The following CAMKMT variants were observed in gnomAD, a reference collection of about 807,000 sequenced individuals.
CAMKMT encodes the protein CaM KMT.
Under a neutral mutation model 48.0 loss-of-function variants are expected in CAMKMT, and 53 were observed. That is an observed-to-expected ratio of 1.10 (90% CI 0.89 to 1.39). The LOEUF (loss-of-function observed/expected upper bound fraction) is 1.39. Among genes scored for constraint, CAMKMT ranks in the 40% most tolerant of loss-of-function variants. The pLI, the probability that CAMKMT is intolerant of heterozygous loss-of-function variation, is 0.00. For missense variants in CAMKMT, 428 were observed against 402.7 expected (o/e 1.06, Z -0.54); for synonymous variants, 165 against 152.3 (o/e 1.08, Z -0.61).
At chr2:44,429,322 G>A (rs955774488) in intron 3 of CAMKMT, among the ~76,000 whole-genome samples, 3 of 150,776 alleles carry the variant, frequency 2.0e-5, no homozygotes, top group Middle Eastern at 3.4e-3. Context: ...TCTTATGGAT[G>A]GTGAATTATA....
At chr2:44,678,588 A>T (rs972497838) in intron 3 of CAMKMT, among the ~76,000 whole-genome samples, 1 of 152,046 alleles carries the variant, frequency 6.6e-6, no homozygotes, top group Non-Finnish European at 1.5e-5. Flanking sequence ...TGATATTCAT[A>T]TTTTTTTTCC....
At chr2:44,568,116 T>A (rs927933169) in intron 3 of CAMKMT, among the ~76,000 whole-genome samples, 5 of 152,006 alleles carry the variant, frequency 3.3e-5, no homozygotes, top group Non-Finnish European at 5.9e-5. Flanking sequence ...TGAGCATAAA[T>A]CTGAAGGATG....
Position 44,461,325 on chromosome 2 carries a change from A to G in CAMKMT, c.376+71020A>G, listed in dbSNP as rs565357067. 2.0e-5 allele frequency among the ~76,000 whole-genome samples: 3 copies of G among 152,306 alleles called. No individual in the cohort carries two copies. In the South Asian group the frequency reaches 6.2e-4, roughly 32 times the overall value. On this transcript the variant is annotated intron_variant, in intron 3 of 10. Transcript: ENST00000378494. ...TGGCTCTCTTCTAAGCAGTTTACTC[A>G]TTAAATATCTCATTAAAAAAAACCT...
At chr2:44,525,292 A>G (rs563440311) in intron 3 of CAMKMT, among the ~76,000 whole-genome samples, 12 of 151,984 alleles carry the variant, frequency 7.9e-5, no homozygotes, top group East Asian at 7.7e-4. Flanking sequence ...GTCTTGCTCT[A>G]TTGCCCAGGC....
intron 8 of CAMKMT, among the ~76,000 whole-genome samples, chr2:44,750,513 G>A (rs1373191137): frequency 6.6e-6 from 1 of 152,174 alleles, no homozygotes; most frequent in Non-Finnish European, 1.5e-5. Context: ...GTAGAAGACA[G>A]TCCTTTTATT....
intron 3 of CAMKMT, among the ~76,000 whole-genome samples, chr2:44,666,208 G>C (rs1483530477): frequency 9.2e-5 from 14 of 152,162 alleles, no homozygotes; most frequent in Admixed American, 8.5e-4. Context: ...AAAATTGTTC[G>C]ACCTGAATAG....
At chr2:44,505,993 A>G (rs1345176999) in intron 3 of CAMKMT, among the ~76,000 whole-genome samples, 1 of 151,880 alleles carries the variant, frequency 6.6e-6, no homozygotes, top group African/African-American at 2.4e-5. Flanking sequence ...CAGCCTCCCA[A>G]GTAGCTGTGC....
intron 3 of CAMKMT, among the ~76,000 whole-genome samples, chr2:44,419,423 A>G (rs1047950190): frequency 2.0e-5 from 3 of 152,204 alleles, no homozygotes; most frequent in Admixed American, 1.3e-4. Context: ...TGAACTCAGC[A>G]GTTCTAGTGG....
chr2:44,529,255 C>G (rs1666338758), intron 3 of CAMKMT, among the ~76,000 whole-genome samples: 1 of 152,044 alleles, frequency 6.6e-6, no homozygotes, highest in Admixed American at 6.6e-5. Context: ...GTGTTTCAAT[C>G]AAATACAGTT....
chr2:44,529,970 T>C (rs1666394115), intron 3 of CAMKMT, among the ~76,000 whole-genome samples: 1 of 152,214 alleles, frequency 6.6e-6, no homozygotes, highest in South Asian at 2.1e-4. Flanking sequence ...TGAGGTCTTT[T>C]TCAAAACATT....
At chr2:44,394,734 G>A (rs1203032953) in intron 3 of CAMKMT, 5 of 368,340 alleles carry the variant, frequency 1.4e-5, no homozygotes, top group Non-Finnish European at 2.7e-5. Flanking sequence ...GACCTGACCA[G>A]GATTTTTAAT....
chr2:44,718,526 T>C (rs1264012136), intron 7 of CAMKMT, among the ~76,000 whole-genome samples: 2 of 152,332 alleles, frequency 1.3e-5, no homozygotes, highest in South Asian at 4.1e-4. Flanking sequence ...CTACTAAATA[T>C]AGCTAGAGAT....
intron 7 of CAMKMT, among the ~76,000 whole-genome samples, chr2:44,724,374 A>T (rs1273930327): frequency 6.6e-6 from 1 of 152,222 alleles, no homozygotes; most frequent in East Asian, 1.9e-4. Context: ...ATGACCCATC[A>T]TCACCTGTAG....
At chr2:44,428,637 A>G (rs1684436430) in intron 3 of CAMKMT, among the ~76,000 whole-genome samples, 1 of 152,120 alleles carries the variant, frequency 6.6e-6, no homozygotes, top group African/African-American at 2.4e-5. Flanking sequence ...ACATAGTCCA[A>G]GGTTTTTCTT....
intron 10 of CAMKMT, among the ~76,000 whole-genome samples, chr2:44,770,460 GACTTTAT>G (rs1347382756): frequency 6.6e-6 from 1 of 152,206 alleles, no homozygotes; most frequent in Non-Finnish European, 1.5e-5. Context: ...TTACCTCAGG[GACTTTAT>G]AAAGAGCTCA....
intron 2 of CAMKMT, 22 bp downstream of exon 2, chr2:44,372,910 AT>A: frequency 6.3e-7 from 1 of 1,583,356 alleles, no homozygotes; most frequent in Non-Finnish European, 8.6e-7. Context: ...TCTAGTTAAG[AT>A]TTTGTAAACA....
At chr2:44,505,842 C>CTTTA (rs59024414) in intron 3 of CAMKMT, among the ~76,000 whole-genome samples, 4,374 of 148,336 alleles carry the variant, frequency 0.029, 102 homozygotes, top group African/African-American at 0.049. Flanking sequence ...AGTTTATTTA[C>CTTTA]TTTATTTATT....
Position 44,711,030 on chromosome 2 carries a change from G to A in CAMKMT, c.556+3568G>A, listed in dbSNP as rs533112803. ...GTGCTTTTTAAAGGAGACACCCCTG[G>A]TTTAACATTATTTTTATTTAATACA... is the stretch of plus-strand genomic sequence containing the variant. On this transcript the variant is annotated intron_variant, in intron 6 of 10. Transcript: ENST00000378494. Among the ~76,000 whole-genome samples, 70 of 152,244 alleles carry A rather than the reference G, an allele frequency of 4.6e-4. 1 individual carries two copies. In the South Asian group the frequency reaches 6.4e-3, roughly 14 times the overall value.
intron 3 of CAMKMT, among the ~76,000 whole-genome samples, chr2:44,691,277 C>G (rs147225482): frequency 3.3e-5 from 5 of 152,330 alleles, no homozygotes; most frequent in Admixed American, 6.5e-5. Context: ...CATTTCTCAT[C>G]TGTCACTCAG....
Sources: allele counts gnomAD v4.1 joint callset (sites outside exome capture counted in the v4.1 genomes callset), GRCh38; gene constraint gnomAD v4.1.1; transcripts MANE v1.5; gene names NCBI Gene and HGNC (gene_info 2026-07-23, HGNC 2026-07-21).